CCDC7: variants seen among roughly 807,000 people sequenced by gnomAD.
CCDC7 encodes coiled-coil domain-containing protein 7.
In CCDC7, 183 loss-of-function variants were observed where a neutral mutation model predicts 196.9. The observed-to-expected ratio is 0.93, with a 90% CI of 0.82 to 1.05. The LOEUF is 1.05. Among genes scored for constraint, CCDC7 ranks in the 50% least tolerant of loss-of-function variants. CCDC7 has a pLI of 0.00. For missense variants in CCDC7, 1,540 were observed against 1,482.2 expected, an observed-to-expected ratio of 1.04 and a Z score of -0.64; for synonymous variants, 525 against 484.6, an observed-to-expected ratio of 1.08 and a Z score of -1.10.
At chr10:32,804,088 T>G (rs1335863276) in intron 29 of CCDC7, among the ~76,000 whole-genome samples, 1 of 152,218 alleles carries the variant, frequency 6.6e-6, no homozygotes, top group Non-Finnish European at 1.5e-5. Context: ...ATCTATTATG[T>G]CTAGGTAACA....
intron 15 of CCDC7, 74 bp downstream of exon 16, chr10:32,567,965 A>T: frequency 3.0e-6 from 4 of 1,326,292 alleles, no homozygotes; most frequent in South Asian, 1.8e-5. Context: ...TATTTACTTC[A>T]TTTGTATATG....
intron 31 of CCDC7, among the ~76,000 whole-genome samples, 167 bp from the exon 33 acceptor site, chr10:32,824,351 G>C (rs1256622827): frequency 1.3e-5 from 2 of 151,986 alleles, no homozygotes. Context: ...ATTGTTAATT[G>C]TTAATTTTCC....
intron 17 of CCDC7, among the ~76,000 whole-genome samples, chr10:32,583,856 C>T (rs2058974336): frequency 6.6e-6 from 1 of 151,840 alleles, no homozygotes; most frequent in South Asian, 2.1e-4. Context: ...TTAAAGTATT[C>T]CTATAATAAT....
At chr10:32,870,409 G>T (rs531093225) in intron 41 of CCDC7, among the ~76,000 whole-genome samples, 3 of 152,064 alleles carry the variant, frequency 2.0e-5, no homozygotes, top group Non-Finnish European at 2.9e-5. Flanking sequence ...TCTGTTATTG[G>T]TGTATAAGAA....
intron 5 of CCDC7, 93 bp from the exon 7 acceptor site, chr10:32,470,971 A>G: frequency 8.3e-7 from 1 of 1,205,656 alleles, no homozygotes; most frequent in Non-Finnish European, 1.1e-6. Context: ...TATAAAAATT[A>G]CTTTGATTTA....
intron 37 of CCDC7, among the ~76,000 whole-genome samples, chr10:32,846,865 C>T (rs2093318994): frequency 6.6e-6 from 1 of 152,152 alleles, no homozygotes; most frequent in Non-Finnish European, 1.5e-5. Context: ...TTATCCATTC[C>T]TTCTATTTGA....
chr10:32,760,771 A>T (rs1048897229), intron 28 of CCDC7, among the ~76,000 whole-genome samples: 3 of 148,934 alleles, frequency 2.0e-5, no homozygotes, highest in Non-Finnish European at 4.5e-5. Flanking sequence ...AAAAAAAGAT[A>T]TTACAAAAAA....
At chr10:32,767,551 C>T (rs555892905) in intron 28 of CCDC7, among the ~76,000 whole-genome samples, 2 of 152,140 alleles carry the variant, frequency 1.3e-5, no homozygotes, top group African/African-American at 4.8e-5. Context: ...AGGAGTCATC[C>T]TCCTCTCCTC....
intron 25 of CCDC7, among the ~76,000 whole-genome samples, chr10:32,712,665 C>G (rs2081021163): frequency 6.6e-6 from 1 of 152,154 alleles, no homozygotes; most frequent in African/African-American, 2.4e-5. Context: ...GTAACCTATC[C>G]TACATAATTC....
intron 31 of CCDC7, among the ~76,000 whole-genome samples, chr10:32,815,835 G>A (rs887567982): frequency 1.3e-5 from 2 of 152,216 alleles, no homozygotes; most frequent in Non-Finnish European, 2.9e-5. Context: ...GAAGGCTGTG[G>A]TGTTGTATAT....
intron 3 of CCDC7, among the ~76,000 whole-genome samples, chr10:32,462,322 G>A (rs1336148990): frequency 6.6e-6 from 1 of 152,108 alleles, no homozygotes; most frequent in Non-Finnish European, 1.5e-5. Flanking sequence ...CTACTCAGGA[G>A]GCTGAGGCAA....
intron 29 of CCDC7, among the ~76,000 whole-genome samples, chr10:32,792,465 C>T (rs773985893): frequency 6.6e-5 from 10 of 152,058 alleles, no homozygotes; most frequent in Admixed American, 2.6e-4. Flanking sequence ...TTTAGATATG[C>T]GACAAAAATA....
chr10:32,445,988 G>A (rs1464572775), upstream of CCDC7, among the ~76,000 whole-genome samples: 1 of 152,218 alleles, frequency 6.6e-6, no homozygotes, highest in Non-Finnish European at 1.5e-5. Flanking sequence ...GGAGGCCGAT[G>A]TGCCCATGGA....
At chr10:32,525,462 A>G (rs2048527185) in intron 11 of CCDC7, among the ~76,000 whole-genome samples, 1 of 152,030 alleles carries the variant, frequency 6.6e-6, no homozygotes, top group Admixed American at 6.6e-5. Context: ...TCTCTGTATT[A>G]TCTTGAATTT....
chr10:32,572,343 A>T (rs35674897), intron 16 of CCDC7, among the ~76,000 whole-genome samples: 52,285 of 152,008 alleles, frequency 0.34, 11,445 homozygotes, highest in Non-Finnish European at 0.5. Flanking sequence ...ATCCAATTAA[A>T]TCTTATAGTT....
At chr10:32,642,789 A>G (rs1479668789) in intron 20 of CCDC7, among the ~76,000 whole-genome samples, 1 of 152,204 alleles carries the variant, frequency 6.6e-6, no homozygotes, top group African/African-American at 2.4e-5. Context: ...CTGTTCAGCC[A>G]TCTTGGCTCC....
chr10:32,796,276 G>A (rs2083537966), intron 29 of CCDC7, among the ~76,000 whole-genome samples: 1 of 152,148 alleles, frequency 6.6e-6, no homozygotes, highest in Admixed American at 6.5e-5. Flanking sequence ...TTCTGTGGGG[G>A]AAAGGGAGTA....
chr10:32,660,391 T>C (rs2071059670), intron 20 of CCDC7, among the ~76,000 whole-genome samples: 1 of 139,358 alleles, frequency 7.2e-6, no homozygotes, highest in African/African-American at 2.7e-5. Flanking sequence ...TTTTTTGTTC[T>C]TGCGATAGTT....
At chr10:32,473,320 A>G (rs1162277320) in intron 7 of CCDC7, among the ~76,000 whole-genome samples, 1 of 152,232 alleles carries the variant, frequency 6.6e-6, no homozygotes, top group African/African-American at 2.4e-5. Context: ...TTTTAAGAAG[A>G]CAATAGCATG....
Sources: allele counts gnomAD v4.1 joint callset (sites outside exome capture counted in the v4.1 genomes callset), GRCh38; gene constraint gnomAD v4.1.1; transcripts MANE v1.5; gene names NCBI Gene and HGNC (gene_info 2026-07-23, HGNC 2026-07-21).